The following KCNB2 variants were observed in gnomAD, a reference collection of about 807,000 sequenced individuals.
KCNB2 encodes delayed rectifier potassium channel protein.
In KCNB2, 15 loss-of-function variants were observed where a neutral mutation model predicts 61.5. The ratio of observed to expected loss-of-function variants is 0.24; its 90% CI spans 0.16 to 0.38. The LOEUF (loss-of-function observed/expected upper bound fraction) is 0.38, where lower values mean the gene tolerates loss of function less well. Among genes scored for constraint, KCNB2 ranks in the 10% least tolerant of loss-of-function variants. The pLI is 1.00. For synonymous variants in KCNB2, 457 were observed against 446.0 expected (o/e 1.02, Z -0.31); for missense variants, 828 against 1,125.2 (o/e 0.74, Z 3.78).
At chr8:72,681,007 C>T (rs1373091432) in intron 2 of KCNB2, among the ~76,000 whole-genome samples, 1 of 151,952 alleles carries the variant, frequency 6.6e-6, no homozygotes, top group Non-Finnish European at 1.5e-5. Flanking sequence ...GACTGGGAGC[C>T]AAAGAAATAA....
intron 2 of KCNB2, among the ~76,000 whole-genome samples, chr8:72,606,419 A>G (rs1369027372): frequency 6.6e-6 from 1 of 152,236 alleles, no homozygotes; most frequent in East Asian, 1.9e-4. Context: ...ATATTTTTAA[A>G]AATGGGAAAT....
chr8:72,937,026 C>T lies in KCNB2; in HGVS notation c.1671C>T (p.Asn557=). The change falls in exon 3 of 3, where the codon AAC becomes AAT. Residue 557 remains asparagine (N), a synonymous_variant. Coordinates refer to ENST00000523207, the MANE Select transcript of KCNB2 (RefSeq NM_004770.3). ...ITKTQPHSHP[N]PDCQEKPERP... is the part of the protein sequence containing the mutation. Reference sequence around the variant, plus strand: ...AGACACAGCCTCATTCTCACCCAAACCCAGACTGCCAAGAAAAGCCTGAGA... The same window carrying T: ...AGACACAGCCTCATTCTCACCCAAATCCAGACTGCCAAGAAAAGCCTGAGA... The T allele has an allele frequency of 6.2e-7, 1 of 1,614,082 alleles. No individual in the cohort carries two copies. Among genetic ancestry groups the T allele is most frequent in the Non-Finnish European group, 8.5e-7 (1 of 1,179,994 alleles).
chr8:72,709,938 A>G (rs542868172), intron 2 of KCNB2, among the ~76,000 whole-genome samples: 10 of 152,290 alleles, frequency 6.6e-5, no homozygotes, highest in African/African-American at 2.4e-4. Context: ...GTCATGGGAA[A>G]TGCCTGGCCT....
intron 2 of KCNB2, among the ~76,000 whole-genome samples, chr8:72,806,234 T>G (rs1045451968): frequency 6.6e-6 from 1 of 151,500 alleles, no homozygotes; most frequent in Non-Finnish European, 1.5e-5. Context: ...GGTGCGTGCC[T>G]GTAATCCCAG....
At chr8:72,618,885 G>A in intron 2 of KCNB2, 1 of 288,492 alleles carries the variant, frequency 3.5e-6, no homozygotes, top group South Asian at 4.0e-5. Flanking sequence ...TTTTAACTCT[G>A]CCAGTTTCTC....
At chr8:72,700,630 G>C (rs1363200842) in intron 2 of KCNB2, among the ~76,000 whole-genome samples, 1 of 152,094 alleles carries the variant, frequency 6.6e-6, no homozygotes, top group Admixed American at 6.6e-5. Flanking sequence ...CTTATACACT[G>C]TTGGAGAGAA....
At chr8:72,646,170 A>G (rs1806126060) in intron 2 of KCNB2, among the ~76,000 whole-genome samples, 1 of 152,054 alleles carries the variant, frequency 6.6e-6, no homozygotes, top group African/African-American at 2.4e-5. Flanking sequence ...TGATACAGGT[A>G]TATCAGAAAT....
intron 2 of KCNB2, among the ~76,000 whole-genome samples, chr8:72,754,860 G>A (rs940437416): frequency 6.6e-6 from 1 of 152,108 alleles, no homozygotes; most frequent in Non-Finnish European, 1.5e-5. Context: ...AGGAGAGGGA[G>A]CAGAACTACC....
Position 72,765,279 on chromosome 8 carries a change from G to A in KCNB2, c.580-170656G>A, listed in dbSNP as rs149417819. 5.4e-3 allele frequency among the ~76,000 whole-genome samples: 829 copies of A among 152,280 alleles called. 9 individuals are homozygous for A. Among genetic ancestry groups the A allele is most frequent in the African/African-American group, 0.019 (802 of 41,556 alleles). Reference sequence around the variant, plus strand: ...TGGGAAAAGTCCCTAAACCTGTGAAGCCTTCAGATGGAATTATCTGACTTC... The same window carrying A: ...TGGGAAAAGTCCCTAAACCTGTGAAACCTTCAGATGGAATTATCTGACTTC... On this transcript the variant is annotated intron_variant, in intron 2 of 2. Transcript: ENST00000523207.
intron 2 of KCNB2, among the ~76,000 whole-genome samples, chr8:72,794,228 A>G (rs1226473339): frequency 2.0e-5 from 3 of 152,176 alleles, no homozygotes; most frequent in Non-Finnish European, 4.4e-5. Flanking sequence ...TGTAGAGTCT[A>G]CAACATTTAC....
chr8:72,898,473 G>C (rs951401021), intron 2 of KCNB2, among the ~76,000 whole-genome samples: 1 of 151,876 alleles, frequency 6.6e-6, no homozygotes, highest in Admixed American at 6.6e-5. Flanking sequence ...TTGGAAAGCT[G>C]ACCACTTATT....
intron 2 of KCNB2, among the ~76,000 whole-genome samples, chr8:72,915,149 G>C (rs930863384): frequency 6.6e-6 from 1 of 151,944 alleles, no homozygotes; most frequent in Non-Finnish European, 1.5e-5. Context: ...CTTGTGATCC[G>C]CCCCAAACTC....
At chr8:72,915,157 C>G (rs1049291476) in intron 2 of KCNB2, among the ~76,000 whole-genome samples, 1 of 152,110 alleles carries the variant, frequency 6.6e-6, no homozygotes, top group Admixed American at 6.6e-5. Flanking sequence ...CCGCCCCAAA[C>G]TCCTGACTCC....
intron 1 of KCNB2, among the ~76,000 whole-genome samples, chr8:72,545,644 A>G (rs745776457): frequency 4.6e-5 from 7 of 152,208 alleles, no homozygotes; most frequent in African/African-American, 7.2e-5. Context: ...AGGCCAATTA[A>G]TAACCCTACA....
At chr8:72,812,472 A>C (rs1355922832) in intron 2 of KCNB2, among the ~76,000 whole-genome samples, 1 of 152,098 alleles carries the variant, frequency 6.6e-6, no homozygotes, top group African/African-American at 2.4e-5. Context: ...TTGTTTCTCC[A>C]GTAATTTTGA....
chr8:72,848,611 TC>T (rs1185071122), intron 2 of KCNB2, among the ~76,000 whole-genome samples: 1 of 152,156 alleles, frequency 6.6e-6, no homozygotes, highest in African/African-American at 2.4e-5. Flanking sequence ...ATGGGTCCAG[TC>T]CATGGACCAC....
At chr8:72,553,724 A>C (rs557285740) in intron 1 of KCNB2, among the ~76,000 whole-genome samples, 1 of 152,290 alleles carries the variant, frequency 6.6e-6, no homozygotes, top group East Asian at 1.9e-4. Flanking sequence ...AGCCCAGCCA[A>C]ATAATTTCCA....
In KCNB2 at chr8:72,818,994, T is replaced by C. The variant is rs147936251; in HGVS notation, c.580-116941T>C. The stretch of plus-strand genomic sequence containing the variant: ...GTGTCTCAGATTCACCATTATTTAT[T>C]TGTAGAATAGTGAGATAGTAAAACC... On this transcript the variant is annotated intron_variant, in intron 2 of 2. Transcript: ENST00000523207. Among the ~76,000 whole-genome samples, 1,151 of 152,258 alleles carry C rather than the reference T, an allele frequency of 7.6e-3. 12 individuals are homozygous for C. Among genetic ancestry groups the C allele is most frequent in the African/African-American group, 0.026 (1,084 of 41,540 alleles).
chr8:72,869,474 G>A (rs956791812), intron 2 of KCNB2, among the ~76,000 whole-genome samples: 4 of 152,086 alleles, frequency 2.6e-5, no homozygotes, highest in African/African-American at 9.7e-5. Context: ...TCCAAAATAT[G>A]TAAGGAACTC....
Sources: gnomAD v4.1 joint callset for allele counts (sites outside exome capture counted in the v4.1 genomes callset) on GRCh38, gnomAD v4.1.1 for gene constraint, MANE v1.5 for transcripts, NCBI Gene and HGNC (gene_info 2026-07-23, HGNC 2026-07-21) for gene names.